Variants in MYLK4 observed in about 807,000 individuals in gnomAD.
The protein encoded by MYLK4 is caMLCK like.
In MYLK4, 46 loss-of-function variants were observed where a neutral mutation model predicts 48.1. The observed-to-expected ratio is 0.96, with a 90% CI of 0.75 to 1.22. The LOEUF is 1.22. Ranked by LOEUF, MYLK4 falls within the 50% of genes most tolerant of loss-of-function variation. The pLI is 0.00. For synonymous variants in MYLK4, 170 were observed against 180.8 expected (o/e 0.94, Z 0.48); for missense variants, 451 against 486.1 (o/e 0.93, Z 0.68).
At chr6:2,678,957 C>T (rs1282330854) in intron 9 of MYLK4, among the ~76,000 whole-genome samples, 1 of 152,166 alleles carries the variant, frequency 6.6e-6, no homozygotes, top group Non-Finnish European at 1.5e-5. Flanking sequence ...CCACCTCAGC[C>T]TCCCAAAGTG....
the MYLK4 span, among the ~76,000 whole-genome samples, chr6:2,765,064 T>TC: frequency 6.6e-6 from 1 of 151,416 alleles, no homozygotes; most frequent in Non-Finnish European, 1.5e-5. Context: ...CGCTCGCCGC[T>TC]CCAACAACCT....
the MYLK4 span, among the ~76,000 whole-genome samples, chr6:2,762,996 G>C: frequency 9.9e-5 from 15 of 152,132 alleles, no homozygotes; most frequent in East Asian, 1.3e-3. Flanking sequence ...ACCCACACAA[G>C]CAAAAGAAAG....
the MYLK4 span, chr6:2,766,538 G>A: frequency 5.0e-6 from 7 of 1,413,126 alleles, no homozygotes; most frequent in Admixed American, 5.5e-5. Flanking sequence ...CTCGAAAGAA[G>A]CCGCCTGCCT....
At chr6:2,746,104 A>T (rs75145876) in intron 2 of MYLK4, among the ~76,000 whole-genome samples, 23,482 of 92,694 alleles carry the variant, frequency 0.25, 2,336 homozygotes, top group East Asian at 0.52. Flanking sequence ...TACAAAAAAA[A>T]ATATAAAAAA....
the MYLK4 span, among the ~76,000 whole-genome samples, chr6:2,767,588 G>C: frequency 6.6e-6 from 1 of 152,226 alleles, no homozygotes; most frequent in African/African-American, 2.4e-5. Flanking sequence ...GATGGTGGTC[G>C]AGTTGTTGAC....
the MYLK4 span, chr6:2,766,530 C>T: frequency 1.3e-5 from 18 of 1,409,570 alleles, no homozygotes; most frequent in Non-Finnish European, 1.6e-5. Flanking sequence ...GTGCTGCCCT[C>T]GAAAGAAGCC....
At chr6:2,731,052 T>TA (rs1425950790) in intron 2 of MYLK4, among the ~76,000 whole-genome samples, 4 of 151,674 alleles carry the variant, frequency 2.6e-5, no homozygotes, top group Non-Finnish European at 2.9e-5. Context: ...ATAGCCTTTT[T>TA]AAAAAAAAGA....
intron 2 of MYLK4, among the ~76,000 whole-genome samples, chr6:2,732,925 T>G (rs754796868): frequency 6.6e-6 from 1 of 152,180 alleles, no homozygotes; most frequent in Non-Finnish European, 1.5e-5. Context: ...TCCCTTGATC[T>G]ATTTGTGGAC....
Position 2,683,167 on chromosome 6 carries a change from A to C in MYLK4, c.546-5T>G. ...AACAGCTCCCCACCATCCACACTGC[A>C]GAGGGAAGAGGACTGAAACCCTCAG... is the stretch of plus-strand genomic sequence containing the variant. On this transcript the variant is annotated splice_polypyrimidine_tract_variant and splice_region_variant and intron_variant, in intron 6 of 12. Coordinates refer to ENST00000274643, the MANE Select transcript of MYLK4 (RefSeq NM_001012418.5). The C allele has an allele frequency of 6.2e-7, 1 of 1,614,166 alleles. No homozygotes were observed. The highest frequency in any genetic ancestry group is 8.5e-7 in the Non-Finnish European group (1 of 1,180,026).
the MYLK4 span, among the ~76,000 whole-genome samples, chr6:2,766,772 CT>C: frequency 6.7e-6 from 1 of 150,354 alleles, no homozygotes; most frequent in Non-Finnish European, 1.5e-5. Context: ...CCTCCCCAGA[CT>C]TTGATTTAGT....
chr6:2,694,503 G>GTAGTCGTGGTGGTAGTGGTAATGA (rs1561845837), intron 2 of MYLK4, among the ~76,000 whole-genome samples: 4 of 12,360 alleles, frequency 3.2e-4, no homozygotes, highest in Admixed American at 1.1e-3. Context: ...GGTGGTGGTG[G>GTAGTCGTGGTGGTAGTGGTAATGA]TGGTGGTGGC....
the MYLK4 span, among the ~76,000 whole-genome samples, chr6:2,763,382 C>T: frequency 1.3e-5 from 2 of 152,192 alleles, no homozygotes; most frequent in East Asian, 1.9e-4. Flanking sequence ...TGCCGTGAGG[C>T]AGTAAGCAGC....
the MYLK4 span, among the ~76,000 whole-genome samples, chr6:2,759,391 A>G: frequency 6.6e-6 from 1 of 152,196 alleles, no homozygotes; most frequent in Non-Finnish European, 1.5e-5. Flanking sequence ...ACAGACATGA[A>G]CCACTGTGCC....
Position 2,673,693 on chromosome 6 carries a change from T to C in MYLK4, c.1119+1354A>G, listed in dbSNP as rs369226828. On this transcript the variant is annotated intron_variant, in intron 11 of 12. Coordinates refer to ENST00000274643, the MANE Select transcript of MYLK4 (RefSeq NM_001012418.5). The surrounding 1 kb of genome is among the most constrained non-coding windows in gnomAD (Gnocchi z 4.2). ...CATCCTAGATGTTCAGTAAAGTTAC[T>C]TGGGCATTACACATCTGTTTCTGTG... Among the ~76,000 whole-genome samples the C allele has an allele frequency of 1.5e-4, 23 of 152,306 alleles. 1 individual carries two copies. The highest frequency in any genetic ancestry group is 7.7e-4 in the East Asian group (4 of 5,174).
chr6:2,675,161 C>A, intron 10 of MYLK4, 36 bp from the exon 11 acceptor site: 1 of 1,510,156 alleles, frequency 6.6e-7, no homozygotes, highest in East Asian at 2.3e-5. Flanking sequence ...AGTAGAAACA[C>A]ACCGAAGAAG....
rs1285938867 is a variant in MYLK4, at chr6:2,683,132, G to A, written c.576C>T (p.Ile192=). 1.9e-6 allele frequency: 3 copies of A among 1,613,968 alleles called. No individual in the cohort carries two copies. The highest frequency in any genetic ancestry group is 2.7e-5 in the African/African-American group (2 of 74,896). The change falls in exon 7 of 13, where the codon ATC becomes ATT. Residue 192 remains isoleucine (I), a synonymous_variant. Coordinates refer to ENST00000274643, the MANE Select transcript of MYLK4 (RefSeq NM_001012418.5). ...CCGTCAAATTGTAGCTCTCATCGAT[G>A]ATGCGGTCAAACAGCTCCCCACCAT... The part of the protein sequence containing the change: ...YVDGGELFDR[I]IDESYNLTEL...
At chr6:2,765,779 G>C in the MYLK4 span, 6 of 1,443,120 alleles carry the variant, frequency 4.2e-6, no homozygotes, top group Non-Finnish European at 5.5e-6. Flanking sequence ...GCCCGCGGCC[G>C]GGTCGCACCG....
At position 2,745,100 on chromosome 6, in the gene MYLK4, G is replaced by A. The variant is rs1764032912; in HGVS notation, c.159+4036C>T. Among the ~76,000 whole-genome samples the A allele has an allele frequency of 2.0e-5, 3 of 152,320 alleles. No homozygotes were observed. The South Asian group carries it at 6.2e-4, about 32-fold the overall frequency. On this transcript the variant is annotated intron_variant, in intron 2 of 12. Transcript: ENST00000274643. ...CAGACAACCCCGGGCCTCAGGAGCA[G>A]GGATGGGGGTGGTACACCGAGGAAA... is the stretch of plus-strand genomic sequence containing the variant.
chr6:2,710,508 C>T (rs1762635750), intron 2 of MYLK4, among the ~76,000 whole-genome samples: 1 of 152,242 alleles, frequency 6.6e-6, no homozygotes, highest in Non-Finnish European at 1.5e-5. Flanking sequence ...ACTCCTTATC[C>T]ATCATGATTG....
Sources: allele counts gnomAD v4.1 joint callset (sites outside exome capture counted in the v4.1 genomes callset), GRCh38; gene constraint gnomAD v4.1.1; non-coding constraint Gnocchi (gnomAD v3.1); transcripts MANE v1.5; gene names NCBI Gene and HGNC (gene_info 2026-07-23, HGNC 2026-07-21).